Variants in ARHGAP28 observed in about 807,000 individuals in gnomAD.
The protein encoded by ARHGAP28 is Rho GTPase activating protein 28, also known as rho GTPase-activating protein 28.
A neutral mutation model predicts 90.7 loss-of-function variants in ARHGAP28; 56 were observed. That is an observed-to-expected ratio of 0.62 (90% confidence interval 0.50 to 0.77). The LOEUF (loss-of-function observed/expected upper bound fraction) is 0.77, where lower values mean the gene tolerates loss of function less well. Among genes scored for constraint, ARHGAP28 ranks in the 30% least tolerant of loss-of-function variants. The probability of loss-of-function intolerance (pLI) is 0.00; values close to 1 mark genes in which losing one functional copy is unlikely to be tolerated. For missense variants in ARHGAP28, 869 were observed against 900.9 expected (o/e 0.96, Z 0.45); for synonymous variants, 308 against 323.3 (o/e 0.95, Z 0.51).
intron 1 of ARHGAP28, 140 bp from the exon 2 acceptor site, chr18:6,824,622 C>T (rs2056648746): frequency 1.4e-6 from 1 of 711,470 alleles, no homozygotes; most frequent in Non-Finnish European, 2.2e-6. Context: ...ATTATTCCCT[C>T]AAACCTATCT....
chr18:6,796,092 CA>C lies in ARHGAP28; in HGVS notation c.123-28667del, dbSNP rs372560502. Among the ~76,000 whole-genome samples, 9 of 152,258 alleles carry C rather than the reference CA, an allele frequency of 5.9e-5. No individual in the cohort carries two copies. The South Asian group carries it at 1.9e-3, about 32-fold the overall frequency. ...AGAGCAACATACATGGGTGTTATTC[CA>C]AATATTTAATAACTCTTTAGAAGGC... is the stretch of plus-strand genomic sequence containing the variant. On this transcript the variant is annotated intron_variant, in intron 1 of 17. Coordinates refer to ENST00000383472, the MANE Select transcript of ARHGAP28 (RefSeq NM_001366230.1).
intron 1 of ARHGAP28, among the ~76,000 whole-genome samples, chr18:6,787,250 A>G (rs2056372642): frequency 1.3e-5 from 2 of 150,176 alleles, no homozygotes; most frequent in Non-Finnish European, 3.0e-5. Context: ...AAAGGATTGA[A>G]GTTGCCCTTG....
At chr18:6,900,286 A>G (rs1305469919) in intron 16 of ARHGAP28, among the ~76,000 whole-genome samples, 5 of 101,714 alleles carry the variant, frequency 4.9e-5, no homozygotes, top group African/African-American at 1.9e-4. Flanking sequence ...CACTCATAAA[A>G]GCAAAATCAC....
intron 16 of ARHGAP28, among the ~76,000 whole-genome samples, chr18:6,904,141 C>G (rs928867393): frequency 2.6e-5 from 4 of 152,106 alleles, no homozygotes; most frequent in African/African-American, 9.7e-5. Context: ...CGCCTGTAAT[C>G]CTAGCACTTT....
chr18:6,759,364 G>A (rs1370202863), intron 1 of ARHGAP28, among the ~76,000 whole-genome samples: 3 of 152,260 alleles, frequency 2.0e-5, no homozygotes, highest in South Asian at 2.1e-4. Context: ...ATCAATAAAC[G>A]CCTGTGTTTA....
rs1414601518 is a variant in ARHGAP28 at position 6,729,818 on chromosome 18, G to C, written c.-4G>C. 6.4e-6 allele frequency: 9 copies of C among 1,408,144 alleles called. No homozygotes were observed. Among genetic ancestry groups the C allele is most frequent in the Non-Finnish European group, 7.4e-6 (8 of 1,084,074 alleles). 87.2% of individuals were successfully genotyped at this position (1,408,144 alleles called of 1,614,324 possible). On this transcript the variant is annotated 5_prime_UTR_variant, in exon 1 of 18. The change abolishes the stop of an existing upstream ORF in the 5' untranslated region. Coordinates refer to ENST00000383472, the MANE Select transcript of ARHGAP28 (RefSeq NM_001366230.1). ...GGCCGGCGCCGAGACATGCGCGGCT[G>C]ACGATGGAGGTGGAGGACTCGGGCG...
At chr18:6,850,727 C>T in intron 3 of ARHGAP28, 1 of 1,244,780 alleles carries the variant, frequency 8.0e-7, no homozygotes, top group Non-Finnish European at 1.1e-6. Flanking sequence ...TTAGTTAGAA[C>T]ATACCATCTT....
chr18:6,861,952 T>C (rs2057001922), intron 5 of ARHGAP28, among the ~76,000 whole-genome samples: 1 of 152,196 alleles, frequency 6.6e-6, no homozygotes, highest in Non-Finnish European at 1.5e-5. Context: ...ATTTTTATTT[T>C]CATTTTGTTT....
chr18:6,910,033 C>T (rs546239958), intron 17 of ARHGAP28, among the ~76,000 whole-genome samples: 9 of 152,306 alleles, frequency 5.9e-5, no homozygotes, highest in South Asian at 4.1e-4. Context: ...TCAGTGTCTA[C>T]GCTCCAATTT....
In ARHGAP28 at chr18:6,898,833, G is replaced by A. The variant is rs113382003; in HGVS notation, c.2030+2207G>A. On this transcript the variant is annotated intron_variant, in intron 16 of 17. Transcript: ENST00000383472. ...CTCACTCGTAAGTGGGAGCTAAGCT[G>A]TGAGGATGTAAAGGCCTAAGAATGA... is the stretch of plus-strand genomic sequence containing the variant. 2.8e-4 allele frequency: 269 copies of A among 959,844 alleles called. 1 individual carries two copies. The African/African-American group carries it at 4.3e-3, about 15-fold the overall frequency. The allele number at this position is 959,844 out of a possible 1,614,324, so 59.5% of individuals were successfully genotyped here.
In ARHGAP28 at chr18:6,851,541, T is replaced by C. The variant is rs1479359824; in HGVS notation, c.636+415T>C. On this transcript the variant is annotated intron_variant, in intron 4 of 17. Transcript: ENST00000383472. ...CTTAAAATATTAAGGATATACCTAC[T>C]ATAAGACCCAACCGTTCTACTCATA... Among the ~76,000 whole-genome samples, 5 of 152,306 alleles carry C rather than the reference T, an allele frequency of 3.3e-5. 1 individual carries two copies. Among genetic ancestry groups the C allele is most frequent in the African/African-American group, 1.2e-4 (5 of 41,566 alleles).
At chr18:6,792,272 C>T (rs1469850051) in intron 1 of ARHGAP28, among the ~76,000 whole-genome samples, 2 of 152,166 alleles carry the variant, frequency 1.3e-5, no homozygotes, top group South Asian at 2.1e-4. Flanking sequence ...CAAAACTCAT[C>T]AGGTCGTACA....
intron 1 of ARHGAP28, among the ~76,000 whole-genome samples, chr18:6,824,429 C>T (rs555693753): frequency 1.6e-4 from 25 of 152,110 alleles, no homozygotes; most frequent in Admixed American, 6.5e-4. Flanking sequence ...CCCAGCTACT[C>T]GGGAGGCAAA....
chr18:6,889,832 A>G, intron 12 of ARHGAP28, 56 bp from the exon 13 acceptor site: 1 of 1,531,888 alleles, frequency 6.5e-7, no homozygotes, highest in Non-Finnish European at 9.0e-7. Context: ...AATGATAGCA[A>G]TCAGGGGCAC....
intron 4 of ARHGAP28, among the ~76,000 whole-genome samples, chr18:6,854,784 C>T (rs577882463): frequency 1.3e-5 from 2 of 151,096 alleles, no homozygotes; most frequent in Admixed American, 1.3e-4. Context: ...CAGCTCTGGA[C>T]CCGGGCATCT....
intron 1 of ARHGAP28, among the ~76,000 whole-genome samples, chr18:6,810,588 A>G (rs1306580140): frequency 6.6e-6 from 1 of 152,034 alleles, no homozygotes; most frequent in East Asian, 1.9e-4. Flanking sequence ...GATTATAGGC[A>G]TGGGCCCAGC....
intron 2 of ARHGAP28, among the ~76,000 whole-genome samples, chr18:6,826,066 C>T (rs375327418): frequency 3.3e-5 from 5 of 152,024 alleles, no homozygotes; most frequent in Non-Finnish European, 5.9e-5. Flanking sequence ...AATTTACACT[C>T]CCACCAACAA....
At chr18:6,886,610 T>G (rs1160957814) in intron 11 of ARHGAP28, among the ~76,000 whole-genome samples, 1 of 152,218 alleles carries the variant, frequency 6.6e-6, no homozygotes, top group African/African-American at 2.4e-5. Context: ...CTACATGTAT[T>G]AACTCATTTA....
chr18:6,890,564 T>C (rs1263686983), intron 14 of ARHGAP28, 21 bp downstream of exon 14: 1 of 1,503,226 alleles, frequency 6.7e-7, no homozygotes, highest in African/African-American at 1.4e-5. Flanking sequence ...AAATGAGGCA[T>C]GGCGATTGTC....
Sources: allele counts gnomAD v4.1 joint callset (sites outside exome capture counted in the v4.1 genomes callset), GRCh38; gene constraint gnomAD v4.1.1; transcripts MANE v1.5; gene names NCBI Gene and HGNC (gene_info 2026-07-23, HGNC 2026-07-21).